The following DISC1 variants were observed in gnomAD, a reference collection of about 807,000 sequenced individuals.
The protein encoded by DISC1 is disrupted in schizophrenia 1 protein.
DISC1 carries 57 observed loss-of-function variants against 84.5 expected under a neutral mutation model. The observed-to-expected ratio is 0.67, with a 90% CI of 0.55 to 0.84. The LOEUF (loss-of-function observed/expected upper bound fraction) is 0.84. DISC1 is among the 40% of genes least tolerant of loss of function. DISC1 has a pLI of 0.00. For missense variants in DISC1, 1,000 were observed against 1,057.8 expected (o/e 0.95, Z 0.76); for synonymous variants, 411 against 415.2 (o/e 0.99, Z 0.12).
At chr1:231,840,782 A>G (rs1211025120) in intron 9 of DISC1, among the ~76,000 whole-genome samples, 3 of 151,786 alleles carry the variant, frequency 2.0e-5, no homozygotes, top group African/African-American at 7.3e-5. Context: ...ATCTCAGCTC[A>G]CTGCAAGCTC....
At chr1:231,690,931 G>A (rs2064924367) in intron 1 of DISC1, among the ~76,000 whole-genome samples, 1 of 152,172 alleles carries the variant, frequency 6.6e-6, no homozygotes, top group African/African-American at 2.4e-5. Flanking sequence ...GAAGCCAGGT[G>A]GTTCCCATAT....
At chr1:231,772,440 C>CCTGTAGTG (rs2076625025) in intron 6 of DISC1, among the ~76,000 whole-genome samples, 1 of 152,222 alleles carries the variant, frequency 6.6e-6, no homozygotes, top group Non-Finnish European at 1.5e-5. Flanking sequence ...GAAGAAAAGA[C>CCTGTAGTG]TTCCTACAAC....
At chr1:231,681,064 C>G (rs2063640221) in intron 1 of DISC1, among the ~76,000 whole-genome samples, 1 of 152,180 alleles carries the variant, frequency 6.6e-6, no homozygotes, top group African/African-American at 2.4e-5. Context: ...TTAAAAAATT[C>G]ATTAGAGACA....
intron 10 of DISC1, among the ~76,000 whole-genome samples, chr1:231,978,719 A>G (rs561158323): frequency 3.3e-5 from 5 of 152,308 alleles, no homozygotes; most frequent in Admixed American, 3.3e-4. Context: ...ACATTAACCT[A>G]GAAACTTCAT....
intron 11 of DISC1, among the ~76,000 whole-genome samples, chr1:232,026,049 A>G (rs1417682483): frequency 6.6e-6 from 1 of 152,110 alleles, no homozygotes; most frequent in African/African-American, 2.4e-5. Flanking sequence ...TTGTCCTTAC[A>G]GGTTAGCCCA....
At chr1:231,859,702 T>G (rs2084515054) in intron 9 of DISC1, among the ~76,000 whole-genome samples, 1 of 152,230 alleles carries the variant, frequency 6.6e-6, no homozygotes, top group Non-Finnish European at 1.5e-5. Flanking sequence ...AAAGTGGATT[T>G]CTATGTAACC....
chr1:231,658,010 T>A (rs1176968200), intron 1 of DISC1, among the ~76,000 whole-genome samples: 1 of 152,248 alleles, frequency 6.6e-6, no homozygotes, highest in Admixed American at 6.5e-5. Context: ...TTTCTAATTC[T>A]GTGAAGAATG....
At chr1:232,032,459 C>T (rs1316686925) in intron 12 of DISC1, among the ~76,000 whole-genome samples, 1 of 152,204 alleles carries the variant, frequency 6.6e-6, no homozygotes, top group Non-Finnish European at 1.5e-5. Context: ...CAAACACAGA[C>T]ATTTTAACAA....
intron 9 of DISC1, among the ~76,000 whole-genome samples, chr1:231,862,065 A>T (rs1574306172): frequency 6.6e-6 from 1 of 152,222 alleles, no homozygotes; most frequent in Non-Finnish European, 1.5e-5. Flanking sequence ...AAGTTTATCA[A>T]CTGGCTTTCA....
At chr1:231,695,037 T>C (rs1333772869) in intron 2 of DISC1, among the ~76,000 whole-genome samples, 1 of 152,190 alleles carries the variant, frequency 6.6e-6, no homozygotes, top group African/African-American at 2.4e-5. Flanking sequence ...AGATTTGCTC[T>C]CCATTGGGCC....
chr1:231,667,464 T>G (rs1572670499), intron 1 of DISC1, among the ~76,000 whole-genome samples: 2 of 152,352 alleles, frequency 1.3e-5, no homozygotes, highest in East Asian at 3.9e-4. Flanking sequence ...CCAGAGTGAT[T>G]ACTGTGTTCA....
At position 231,630,251 on chromosome 1, in the gene DISC1, A is replaced by G. The variant is rs2058605882; in HGVS notation, c.67+3317A>G. On this transcript the variant is annotated intron_variant, in intron 1 of 12. Transcript: ENST00000439617. The surrounding 1 kb of genome is among the most constrained non-coding windows in gnomAD (Gnocchi z 4.4). ...GCCCTTTAAACAAGATTTAAAGACC[A>G]GCACACAAAGTTTCTGAGTACAAAA... 6.6e-6 allele frequency among the ~76,000 whole-genome samples: 1 copy of G among 152,234 alleles called. No individual in the cohort carries two copies. Among genetic ancestry groups the G allele is most frequent in the Non-Finnish European group, 1.5e-5 (1 of 68,038 alleles).
chr1:231,659,989 C>CT (rs2061438979), intron 1 of DISC1, among the ~76,000 whole-genome samples: 1 of 152,132 alleles, frequency 6.6e-6, no homozygotes. Context: ...CTATCAGATC[C>CT]ACTTGATCCA....
intron 4 of DISC1, among the ~76,000 whole-genome samples, chr1:231,761,294 G>A (rs2075640069): frequency 1.3e-5 from 2 of 152,182 alleles, no homozygotes; most frequent in African/African-American, 4.8e-5. Flanking sequence ...GTTTATAGCA[G>A]CGATGCTAAT....
At chr1:231,906,980 T>C (rs1207384271) in intron 9 of DISC1, among the ~76,000 whole-genome samples, 1 of 149,728 alleles carries the variant, frequency 6.7e-6, no homozygotes, top group African/African-American at 2.5e-5. Context: ...CTCTTTCTTT[T>C]CTTTCTTTTC....
intron 9 of DISC1, among the ~76,000 whole-genome samples, chr1:231,934,591 C>G (rs1462848402): frequency 1.3e-5 from 2 of 152,162 alleles, no homozygotes. Flanking sequence ...TCTTAAATAG[C>G]AATCCTTTGT....
chr1:231,683,536 C>A (rs1016489216), intron 1 of DISC1, among the ~76,000 whole-genome samples: 1 of 149,104 alleles, frequency 6.7e-6, no homozygotes, highest in East Asian at 2.0e-4. Context: ...AGCTATCCTC[C>A]TGGGCACATC....
intron 4 of DISC1, among the ~76,000 whole-genome samples, chr1:231,756,230 G>T (rs1251741183): frequency 2.0e-5 from 3 of 152,112 alleles, no homozygotes; most frequent in Admixed American, 2.0e-4. Flanking sequence ...AAATATCCTT[G>T]CAAAGCTCTG....
At chr1:231,895,816 G>A (rs2087641517) in intron 9 of DISC1, among the ~76,000 whole-genome samples, 1 of 152,116 alleles carries the variant, frequency 6.6e-6, no homozygotes, top group African/African-American at 2.4e-5. Flanking sequence ...AACTACTGCA[G>A]TTGCCTCAGA....
Sources: allele counts gnomAD v4.1 joint callset (sites outside exome capture counted in the v4.1 genomes callset), GRCh38; gene constraint gnomAD v4.1.1; non-coding constraint Gnocchi (gnomAD v3.1); transcripts MANE v1.5; gene names NCBI Gene and HGNC (gene_info 2026-07-23, HGNC 2026-07-21).